SORCS3: variants seen among roughly 807,000 people sequenced by gnomAD.
SORCS3 encodes the protein VPS10 domain-containing receptor SorCS3.
Under a neutral mutation model 146.3 loss-of-function variants are expected in SORCS3, and 57 were observed. The observed-to-expected ratio is 0.39, with a 90% CI of 0.31 to 0.49. The LOEUF is 0.49. SORCS3 is among the 20% of genes least tolerant of loss of function. The pLI is 0.92. For synonymous variants in SORCS3, 653 were observed against 618.5 expected, an observed-to-expected ratio of 1.06 and a Z score of -0.83; for missense variants, 1,341 against 1,575.5, an observed-to-expected ratio of 0.85 and a Z score of 2.52.
chr10:105,131,845 C>T (rs11192331), intron 7 of SORCS3, among the ~76,000 whole-genome samples: 44,232 of 151,920 alleles, frequency 0.29, 6,621 homozygotes, highest in Middle Eastern at 0.34. Context: ...CACTATCGCA[C>T]GGACAGTACC....
At chr10:104,797,152 AT>A (rs2017565891) in intron 1 of SORCS3, among the ~76,000 whole-genome samples, 1 of 152,058 alleles carries the variant, frequency 6.6e-6, no homozygotes, top group Non-Finnish European at 1.5e-5. Context: ...GACATTTCCC[AT>A]TTTTTTCCTC....
At chr10:104,749,426 T>G (rs1435689244) in intron 1 of SORCS3, among the ~76,000 whole-genome samples, 1 of 152,194 alleles carries the variant, frequency 6.6e-6, no homozygotes, top group African/African-American at 2.4e-5. Flanking sequence ...CTTCTTCATA[T>G]TTCATGCTTC....
In SORCS3 at chr10:104,689,348, T is replaced by C. The variant is rs73330358; in HGVS notation, c.627+47394T>C. Among the ~76,000 whole-genome samples the C allele has an allele frequency of 9.4e-3, 1,432 of 152,348 alleles. 27 individuals are homozygous for C. Among genetic ancestry groups the C allele is most frequent in the African/African-American group, 0.033 (1,355 of 41,582 alleles). On this transcript the variant is annotated intron_variant, in intron 1 of 26. Coordinates refer to ENST00000369701, the MANE Select transcript of SORCS3 (RefSeq NM_014978.3). ...AACTTGGCCTTCAGGACTCTTACTC[T>C]TAAGTTCTGCTTACGTTGCCCATGT...
At chr10:104,868,406 A>G (rs74906395) in intron 2 of SORCS3, among the ~76,000 whole-genome samples, 7,892 of 152,272 alleles carry the variant, frequency 0.052, 635 homozygotes, top group African/African-American at 0.18. Flanking sequence ...ACAGAATCTC[A>G]CACTATTGAA....
chr10:104,866,331 T>C (rs754837571), intron 2 of SORCS3, among the ~76,000 whole-genome samples: 1 of 152,230 alleles, frequency 6.6e-6, no homozygotes, highest in Non-Finnish European at 1.5e-5. Context: ...TCATCTACGT[T>C]GACTATCCTT....
intron 2 of SORCS3, among the ~76,000 whole-genome samples, chr10:104,894,577 C>A (rs2018780526): frequency 6.6e-6 from 1 of 152,150 alleles, no homozygotes; most frequent in Non-Finnish European, 1.5e-5. Flanking sequence ...CCCAGGCAGC[C>A]TGGCAGGCAG....
At chr10:105,087,980 C>G (rs1280236144) in intron 5 of SORCS3, among the ~76,000 whole-genome samples, 1 of 152,152 alleles carries the variant, frequency 6.6e-6, no homozygotes, top group Non-Finnish European at 1.5e-5. Flanking sequence ...AGTCTGAGAA[C>G]CACTGGGATA....
intron 1 of SORCS3, among the ~76,000 whole-genome samples, chr10:104,818,247 G>T (rs11192194): frequency 0.025 from 3,837 of 152,224 alleles, 162 homozygotes; most frequent in African/African-American, 0.082. Context: ...AAAAGTGCAT[G>T]TCTCCAGGAG....
intron 5 of SORCS3, among the ~76,000 whole-genome samples, chr10:105,056,251 AT>A: frequency 6.6e-6 from 1 of 152,304 alleles, no homozygotes; most frequent in South Asian, 2.1e-4. Context: ...TGTTTTTGAC[AT>A]TTTGGGCTGG....
chr10:104,829,138 AT>A (rs1170223178), intron 1 of SORCS3, among the ~76,000 whole-genome samples: 2 of 152,214 alleles, frequency 1.3e-5, no homozygotes, highest in Admixed American at 1.3e-4. Flanking sequence ...TGATTAATAG[AT>A]GCCATATCAA....
chr10:105,239,865 G>C (rs1321708107), intron 20 of SORCS3, among the ~76,000 whole-genome samples: 1 of 152,224 alleles, frequency 6.6e-6, no homozygotes, highest in Non-Finnish European at 1.5e-5. Flanking sequence ...CAAGAATCCT[G>C]TTGAGTGTTC....
Position 105,105,923 on chromosome 10 carries a change from A to G in SORCS3, c.1212+408A>G, listed in dbSNP as rs180858606. Among the ~76,000 whole-genome samples the G allele has an allele frequency of 4.2e-3, 636 of 152,112 alleles. 2 individuals carry two copies. The highest frequency in any genetic ancestry group is 4.4e-3 in the Non-Finnish European group (301 of 67,978). On this transcript the variant is annotated intron_variant, in intron 7 of 26. Transcript: ENST00000369701. ...GATTCTTTTTCTGGAAATACCTACTACTCACTAAACTTTCCCCTTCTTTCC... is the reference window on the plus strand; with the variant it reads ...GATTCTTTTTCTGGAAATACCTACTGCTCACTAAACTTTCCCCTTCTTTCC...
intron 2 of SORCS3, among the ~76,000 whole-genome samples, chr10:104,891,471 G>C (rs541892509): frequency 2.6e-5 from 4 of 152,216 alleles, no homozygotes; most frequent in African/African-American, 9.6e-5. Context: ...GCTGAACTCA[G>C]GGAGATCACT....
intron 4 of SORCS3, among the ~76,000 whole-genome samples, chr10:105,002,080 A>T (rs1041405975): frequency 3.9e-5 from 6 of 152,154 alleles, no homozygotes; most frequent in African/African-American, 1.4e-4. Flanking sequence ...TAGGTTTCAA[A>T]TTATCTTTCA....
chr10:104,951,420 G>C (rs913286851), intron 3 of SORCS3, among the ~76,000 whole-genome samples: 1 of 152,218 alleles, frequency 6.6e-6, no homozygotes, highest in Admixed American at 6.5e-5. Flanking sequence ...ATAACCTCTA[G>C]CTCCTGGGCC....
chr10:104,656,045 G>A (rs777669366), intron 1 of SORCS3, among the ~76,000 whole-genome samples: 1 of 152,064 alleles, frequency 6.6e-6, no homozygotes. Context: ...GGTGCTGCTG[G>A]ATTCTGAGTC....
intron 2 of SORCS3, among the ~76,000 whole-genome samples, chr10:104,852,612 T>C (rs1331813075): frequency 6.6e-6 from 1 of 152,212 alleles, no homozygotes. Flanking sequence ...AGGCACTTTA[T>C]GGCCATCTTT....
chr10:104,665,641 T>G (rs1210554609), intron 1 of SORCS3: 4 of 152,258 alleles, frequency 2.6e-5, no homozygotes, highest in Non-Finnish European at 5.9e-5. Context: ...GACATTCCTT[T>G]TCCAAGGTTG....
intron 3 of SORCS3, among the ~76,000 whole-genome samples, chr10:104,926,092 C>T (rs2019141771): frequency 6.6e-6 from 1 of 152,182 alleles, no homozygotes; most frequent in South Asian, 2.1e-4. Flanking sequence ...GCTGCTGGGC[C>T]TCCCCTCCTG....
Sources: gnomAD v4.1 joint callset for allele counts (sites outside exome capture counted in the v4.1 genomes callset) on GRCh38, gnomAD v4.1.1 for gene constraint, MANE v1.5 for transcripts, NCBI Gene and HGNC (gene_info 2026-07-23, HGNC 2026-07-21) for gene names.